CREM: variants seen among roughly 807,000 people sequenced by gnomAD.
CREM encodes cAMP responsive element modulator, also known as cAMP-responsive element modulator.
Under a neutral mutation model 37.3 loss-of-function variants are expected in CREM, and 13 were observed. The observed-to-expected ratio is 0.35, with a 90% confidence interval of 0.23 to 0.55. CREM has a LOEUF of 0.55. Among genes scored for constraint, CREM ranks in the 20% least tolerant of loss-of-function variants. The pLI is 0.88. For synonymous variants in CREM, 124 were observed against 120.2 expected, an observed-to-expected ratio of 1.03 and a Z score of -0.21; for missense variants, 296 against 362.3, an observed-to-expected ratio of 0.82 and a Z score of 1.49.
At chr10:35,193,680 CTT>C (rs928989614) in intron 6 of CREM, among the ~76,000 whole-genome samples, 2 of 152,174 alleles carry the variant, frequency 1.3e-5, no homozygotes, top group African/African-American at 4.8e-5. Context: ...CTCCCTGAAA[CTT>C]TACCTCCTGA....
chr10:35,192,571 A>G (rs926036493), intron 6 of CREM, among the ~76,000 whole-genome samples: 1 of 151,884 alleles, frequency 6.6e-6, no homozygotes, highest in Admixed American at 6.6e-5. Context: ...CTGGTCTTGA[A>G]CTCCTGAGTT....
At chr10:35,211,174 G>T (rs1034145291) in intron 7 of CREM, 80 bp from the exon 8 acceptor site, 29 of 1,497,978 alleles carry the variant, frequency 1.9e-5, no homozygotes, top group Non-Finnish European at 2.5e-5. Flanking sequence ...TGTTGAGTTC[G>T]GGGGGCAGAA....
intron 3 of CREM, among the ~76,000 whole-genome samples, chr10:35,155,659 C>T (rs977222933): frequency 7.3e-5 from 11 of 149,818 alleles, no homozygotes; most frequent in East Asian, 3.9e-4. Flanking sequence ...ATGGGAGTCT[C>T]GCTCTGTCAC....
In CREM at chr10:35,161,218, C is replaced by T. The variant is rs188535867; in HGVS notation, c.168+12727C>T. Reference sequence around the variant, plus strand: ...GTGATGTGATCTCGGCTCACTGCAACCTCCGCCTCCTGGGTTAAAGCTATT... The same window carrying T: ...GTGATGTGATCTCGGCTCACTGCAATCTCCGCCTCCTGGGTTAAAGCTATT... On this transcript the variant is annotated intron_variant, in intron 3 of 7. Transcript: ENST00000685392. Among the ~76,000 whole-genome samples, 934 of 151,932 alleles carry T rather than the reference C, an allele frequency of 6.1e-3. 12 individuals are homozygous for T. The highest frequency in any genetic ancestry group is 0.021 in the African/African-American group (887 of 41,508).
At chr10:35,154,884 A>T (rs187035380) in intron 3 of CREM, among the ~76,000 whole-genome samples, 1 of 152,286 alleles carries the variant, frequency 6.6e-6, no homozygotes, top group East Asian at 1.9e-4. Context: ...ACTTTTTTCA[A>T]CTTCAACAAG....
In CREM at chr10:35,211,621, T is replaced by C. The variant is rs377490542; in HGVS notation, c.*223T>C. ...CTGTTTGTCAATAGCATGCAAAAAA[T>C]GCTTTGTTTGCCCTTTGCTTCTGCT... is the stretch of plus-strand genomic sequence containing the variant. On this transcript the variant is annotated 3_prime_UTR_variant, in exon 8 of 8. Transcript: ENST00000685392. 6.2e-7 allele frequency: 1 copy of C among 1,602,000 alleles called. No individual in the cohort carries two copies. The highest frequency in any genetic ancestry group is 2.2e-5 in the East Asian group (1 of 44,718).
At chr10:35,175,863 C>G (rs1159569153) in intron 3 of CREM, 9 of 1,572,728 alleles carry the variant, frequency 5.7e-6, no homozygotes, top group Non-Finnish European at 7.8e-6. Context: ...GTTTCTGTGG[C>G]TGGATCAGGC....
At chr10:35,146,059 G>A (rs1564811119) in intron 2 of CREM, among the ~76,000 whole-genome samples, 1 of 152,182 alleles carries the variant, frequency 6.6e-6, no homozygotes, top group Admixed American at 6.5e-5. Flanking sequence ...CAGGGCAAGG[G>A]CCATGACTTA....
chr10:35,128,632 T>C (rs2135284204), intron 1 of CREM, among the ~76,000 whole-genome samples: 1 of 151,784 alleles, frequency 6.6e-6, no homozygotes, highest in Middle Eastern at 3.4e-3. Flanking sequence ...TTCACGCCAT[T>C]CTCCTGCCTC....
At chr10:35,174,642 T>C (rs188163264) in intron 3 of CREM, among the ~76,000 whole-genome samples, 12 of 152,360 alleles carry the variant, frequency 7.9e-5, no homozygotes, top group African/African-American at 2.6e-4. Context: ...CCACTCATGA[T>C]AGACACTGGT....
chr10:35,184,610 G>C (rs2094476482), intron 5 of CREM, among the ~76,000 whole-genome samples: 1 of 152,166 alleles, frequency 6.6e-6, no homozygotes, highest in South Asian at 2.1e-4. Flanking sequence ...GAGCCAGTGT[G>C]TGAGGGGTGT....
chr10:35,187,065 TTAA>T (rs1424994628), intron 5 of CREM, among the ~76,000 whole-genome samples: 2 of 69,448 alleles, frequency 2.9e-5, no homozygotes, highest in African/African-American at 5.7e-5. Flanking sequence ...ATATATATAA[TTAA>T]TATAATAATA....
chr10:35,175,603 T>C, intron 3 of CREM: 2 of 1,480,720 alleles, frequency 1.4e-6, no homozygotes, highest in Non-Finnish European at 1.9e-6. Context: ...GGAACATTCT[T>C]AGCCACCGAA....
intron 1 of CREM, among the ~76,000 whole-genome samples, chr10:35,132,159 CT>C (rs1478543148): frequency 1.4e-5 from 2 of 145,668 alleles, no homozygotes; most frequent in African/African-American, 5.1e-5. Context: ...CGAGATCGTG[CT>C]ACTGCACTCC....
intron 3 of CREM, among the ~76,000 whole-genome samples, chr10:35,151,000 A>G (rs1247011815): frequency 6.6e-6 from 1 of 152,204 alleles, no homozygotes; most frequent in African/African-American, 2.4e-5. Context: ...AGGTTTTAGT[A>G]GGTTATAGAA....
chr10:35,187,179 A>ATATATATTATATATT (rs1564923058), intron 5 of CREM, among the ~76,000 whole-genome samples: 1 of 45,988 alleles, frequency 2.2e-5, no homozygotes, highest in Non-Finnish European at 4.5e-5. Flanking sequence ...ATTAATATTA[A>ATATATATTATATATT]TATATAAATA....
intron 6 of CREM, chr10:35,201,336 G>A: frequency 9.3e-7 from 1 of 1,073,592 alleles, no homozygotes; most frequent in Non-Finnish European, 1.4e-6. Flanking sequence ...GAAGAGGAAG[G>A]GAACTAACAT....
intron 6 of CREM, among the ~76,000 whole-genome samples, chr10:35,189,948 G>A (rs1442792159): frequency 2.6e-5 from 4 of 152,176 alleles, no homozygotes; most frequent in African/African-American, 9.7e-5. Flanking sequence ...GAAGAACTGA[G>A]GTGGTGGCAT....
At chr10:35,176,031 G>T in intron 3 of CREM, 1 of 1,529,446 alleles carries the variant, frequency 6.5e-7, no homozygotes, top group South Asian at 1.3e-5. Flanking sequence ...TTTTGTCTTT[G>T]ACTTTCTTGA....
Sources: gnomAD v4.1 joint callset for allele counts (sites outside exome capture counted in the v4.1 genomes callset) on GRCh38, gnomAD v4.1.1 for gene constraint, MANE v1.5 for transcripts, NCBI Gene and HGNC (gene_info 2026-07-23, HGNC 2026-07-21) for gene names.